CDH4: variants seen among roughly 807,000 people sequenced by gnomAD.
CDH4 encodes cadherin 4, also known as cadherin-4.
A neutral mutation model predicts 86.0 loss-of-function variants in CDH4; 33 were observed. That is an observed-to-expected ratio of 0.38 (90% CI 0.29 to 0.51). CDH4 has a LOEUF of 0.51. CDH4 is among the 20% of genes least tolerant of loss of function. The pLI is 0.86. For synonymous variants in CDH4, 555 were observed against 549.4 expected, an observed-to-expected ratio of 1.01 and a Z score of -0.14; for missense variants, 1,114 against 1,307.4, an observed-to-expected ratio of 0.85 and a Z score of 2.28.
rs1436043936 is a variant in CDH4 at position 61,269,966 on chromosome 20, G to GACCT, written c.169+15030_169+15033dup. ...CCCCCAGATGTGGAGAGGGCCGGCC[G>GACCT]ACCTTTGCGGCAGTCATTTTTCCAT... On this transcript the variant is annotated intron_variant, in intron 2 of 15. Coordinates refer to ENST00000614565, the MANE Select transcript of CDH4 (RefSeq NM_001794.5). The surrounding 1 kb of genome is among the most constrained non-coding windows in gnomAD (Gnocchi z 5.3). 6.6e-6 allele frequency among the ~76,000 whole-genome samples: 1 copy of GACCT among 152,208 alleles called. No individual in the cohort carries two copies. The highest frequency in any genetic ancestry group is 1.5e-5 in the Non-Finnish European group (1 of 68,044).
rs890851082 is a variant in CDH4 at position 61,902,395 on chromosome 20, G to A, written c.1188+7348G>A. On this transcript the variant is annotated intron_variant, in intron 8 of 15. Coordinates refer to ENST00000614565, the MANE Select transcript of CDH4 (RefSeq NM_001794.5). The surrounding 1 kb of genome is among the most constrained non-coding windows in gnomAD (Gnocchi z 4.6). Reference sequence around the variant, plus strand: ...AAATGCCAGCCATGCCCTGGGGCACGCGGTCACCACCCCGCAGAACCGCTC... The same window carrying A: ...AAATGCCAGCCATGCCCTGGGGCACACGGTCACCACCCCGCAGAACCGCTC... Among the ~76,000 whole-genome samples, 3 of 152,396 alleles carry A rather than the reference G, an allele frequency of 2.0e-5. No individual in the cohort carries two copies. Among genetic ancestry groups the A allele is most frequent in the Admixed American group, 1.3e-4 (2 of 15,312 alleles).
chr20:61,460,629 T>G (rs2085436954), intron 2 of CDH4, among the ~76,000 whole-genome samples: 1 of 152,148 alleles, frequency 6.6e-6, no homozygotes, highest in Non-Finnish European at 1.5e-5. Flanking sequence ...GAGGCGTCCC[T>G]AAGTGGTGAG....
intron 7 of CDH4, among the ~76,000 whole-genome samples, chr20:61,876,944 C>T (rs1289853254): frequency 6.6e-6 from 1 of 152,190 alleles, no homozygotes; most frequent in Admixed American, 6.5e-5. Context: ...GACCCCTCTT[C>T]ATAGCTGAAA....
chr20:61,434,465 C>A (rs112001739), intron 2 of CDH4, among the ~76,000 whole-genome samples: 1 of 152,088 alleles, frequency 6.6e-6, no homozygotes, highest in East Asian at 1.9e-4. Context: ...ACGTTCACCG[C>A]GGCGCTCAAA....
intron 2 of CDH4, among the ~76,000 whole-genome samples, chr20:61,724,598 C>A (rs6121462): frequency 0.35 from 53,633 of 151,710 alleles, 10,225 homozygotes; most frequent in South Asian, 0.54. Flanking sequence ...CTCCTGCTGC[C>A]CCTTCGCCCC....
intron 8 of CDH4, among the ~76,000 whole-genome samples, chr20:61,909,711 A>G (rs899520334): frequency 2.6e-5 from 4 of 152,174 alleles, no homozygotes; most frequent in Non-Finnish European, 4.4e-5. Flanking sequence ...GAAGATGCAC[A>G]TGGTAGCATT....
chr20:61,409,664 C>T (rs1254648840), intron 2 of CDH4, among the ~76,000 whole-genome samples: 1 of 152,224 alleles, frequency 6.6e-6, no homozygotes, highest in East Asian at 1.9e-4. Context: ...ACAGGTTGGT[C>T]GCAGAAATCA....
intron 7 of CDH4, among the ~76,000 whole-genome samples, chr20:61,891,027 G>T (rs1984796010): frequency 2.0e-5 from 3 of 152,108 alleles, no homozygotes; most frequent in Admixed American, 2.0e-4. Flanking sequence ...GACTTTAGGG[G>T]AGCTCATTTT....
chr20:61,474,191 G>T (rs2085522112), intron 2 of CDH4, among the ~76,000 whole-genome samples: 1 of 110,942 alleles, frequency 9.0e-6, no homozygotes, highest in Non-Finnish European at 1.7e-5. Flanking sequence ...GATGGAGTCT[G>T]ACTCTGTTGC....
chr20:61,734,629 T>C (rs1490865713), intron 2 of CDH4, among the ~76,000 whole-genome samples: 1 of 152,186 alleles, frequency 6.6e-6, no homozygotes, highest in Non-Finnish European at 1.5e-5. Context: ...TAAAAGGTAG[T>C]TTTCCTTCAG....
At chr20:61,383,808 AAGATATATATG>A (rs2084935225) in intron 2 of CDH4, among the ~76,000 whole-genome samples, 1 of 136,544 alleles carries the variant, frequency 7.3e-6, no homozygotes, top group Non-Finnish European at 1.5e-5. Flanking sequence ...CATATATATG[AAGATATATATG>A]CGTATATATG....
Position 61,501,439 on chromosome 20 carries a change from G to C in CDH4, c.170-242124G>C, listed in dbSNP as rs2085700339. ...TGGTGTTTACCTGGCTACGTACTTG[G>C]CCACGGAGAGTCCAGGTGGGAAGAA... On this transcript the variant is annotated intron_variant, in intron 2 of 15. Coordinates refer to ENST00000614565, the MANE Select transcript of CDH4 (RefSeq NM_001794.5). This position sits in a 1 kb window ranked among gnomAD's most constrained non-coding sequence, Gnocchi z 4.2. Among the ~76,000 whole-genome samples, 1 of 152,176 alleles carries C rather than the reference G, an allele frequency of 6.6e-6. No individual in the cohort carries two copies. The highest frequency in any genetic ancestry group is 1.5e-5 in the Non-Finnish European group (1 of 68,032).
intron 4 of CDH4, among the ~76,000 whole-genome samples, chr20:61,839,901 CTGTGTG>C (rs145568741): frequency 4.4e-4 from 65 of 147,664 alleles, no homozygotes; most frequent in African/African-American, 1.5e-3. Context: ...TATGTGTGTA[CTGTGTG>C]TGTGTGTGTG....
At chr20:61,321,644 A>G (rs2084509136) in intron 2 of CDH4, among the ~76,000 whole-genome samples, 1 of 152,150 alleles carries the variant, frequency 6.6e-6, no homozygotes, top group African/African-American at 2.4e-5. Flanking sequence ...GGCTTCGTCA[A>G]ATTCAGCCGT....
chr20:61,531,575 T>C (rs114198857), intron 2 of CDH4, among the ~76,000 whole-genome samples: 1,800 of 151,328 alleles, frequency 0.012, 29 homozygotes, highest in African/African-American at 0.041. Flanking sequence ...GTGTGGCACA[T>C]GAGGATGTGT....
intron 2 of CDH4, among the ~76,000 whole-genome samples, chr20:61,350,637 T>A (rs1488045749): frequency 1.4e-5 from 2 of 138,026 alleles, no homozygotes. Context: ...GTCAGGCAGA[T>A]CCCTGCCCTC....
chr20:61,826,104 G>A (rs761858270), intron 4 of CDH4, among the ~76,000 whole-genome samples: 19 of 152,104 alleles, frequency 1.2e-4, no homozygotes, highest in Non-Finnish European at 2.8e-4. Context: ...GCAAGCCCAA[G>A]GGGTCCCTCT....
At chr20:61,307,837 G>A (rs954316597) in intron 2 of CDH4, among the ~76,000 whole-genome samples, 3 of 152,182 alleles carry the variant, frequency 2.0e-5, no homozygotes, top group Non-Finnish European at 4.4e-5. Context: ...GGAGCCAGCC[G>A]GGCTCCACCC....
chr20:61,299,033 T>G (rs1174209011), intron 2 of CDH4, among the ~76,000 whole-genome samples: 1 of 152,016 alleles, frequency 6.6e-6, no homozygotes, highest in African/African-American at 2.4e-5. Flanking sequence ...TTTTGCTGAA[T>G]CCCAACTCCA....
Sources: allele counts gnomAD v4.1 joint callset (sites outside exome capture counted in the v4.1 genomes callset), GRCh38; gene constraint gnomAD v4.1.1; non-coding constraint Gnocchi (gnomAD v3.1); transcripts MANE v1.5; gene names NCBI Gene and HGNC (gene_info 2026-07-23, HGNC 2026-07-21).